Variants in DHX32 observed in about 807,000 individuals in gnomAD.
DHX32 encodes the protein DEAH-box helicase 32 (putative).
In DHX32, 51 loss-of-function variants were observed where a neutral mutation model predicts 70.0. The ratio of observed to expected loss-of-function variants is 0.73; its 90% confidence interval spans 0.58 to 0.92. The LOEUF is 0.92. DHX32 is among the 40% of genes least tolerant of loss of function. The pLI, the probability that DHX32 is intolerant of heterozygous loss-of-function variation, is 0.00. For synonymous variants in DHX32, 310 were observed against 315.3 expected, an observed-to-expected ratio of 0.98 and a Z score of 0.18; for missense variants, 762 against 891.8, an observed-to-expected ratio of 0.85 and a Z score of 1.85.
intron 6 of DHX32, 38 bp downstream of exon 6, chr10:125,852,255 C>G (rs1407779471): frequency 6.2e-7 from 1 of 1,605,118 alleles, no homozygotes; most frequent in Admixed American, 1.7e-5. Context: ...AGGTGAATCT[C>G]AGCCTAATGC....
intron 6 of DHX32, chr10:125,842,264 C>T (rs1030876168): frequency 7.2e-6 from 2 of 276,826 alleles, no homozygotes; most frequent in Non-Finnish European, 1.4e-5. Flanking sequence ...GGCCGGAACT[C>T]GCGGTCACAG....
chr10:125,854,396 T>A (rs1021245235), intron 3 of DHX32, 193 bp from the exon 4 acceptor site: 7 of 431,986 alleles, frequency 1.6e-5, no homozygotes, highest in Non-Finnish European at 2.4e-5. Context: ...TTGGGGAAGT[T>A]AAATATAATT....
At chr10:125,842,038 A>G (rs964895061) in intron 6 of DHX32, 104 bp from the exon 7 acceptor site, 2 of 1,351,132 alleles carry the variant, frequency 1.5e-6, no homozygotes, top group Admixed American at 6.6e-5. Flanking sequence ...ACAATGGACA[A>G]AATATGTGAA....
chr10:125,887,371 T>C (rs1156958928), intron 1 of DHX32, among the ~76,000 whole-genome samples: 1 of 152,110 alleles, frequency 6.6e-6, no homozygotes, highest in Admixed American at 6.5e-5. Context: ...TTACAGACAA[T>C]TACTTAAAAG....
upstream of DHX32, among the ~76,000 whole-genome samples, chr10:125,883,357 T>C (rs1021677925): frequency 2.0e-5 from 3 of 152,212 alleles, no homozygotes; most frequent in Non-Finnish European, 2.9e-5. Flanking sequence ...CTGTGACCAG[T>C]GTCACTATGA....
At chr10:125,842,849 G>A (rs556886028) in intron 6 of DHX32, 107 of 864,100 alleles carry the variant, frequency 1.2e-4, no homozygotes, top group Non-Finnish European at 1.4e-4. Flanking sequence ...ATGTAACATC[G>A]ATAATGATGT....
chr10:125,891,879 A>G (rs543571771), intron 1 of DHX32, among the ~76,000 whole-genome samples: 1 of 152,236 alleles, frequency 6.6e-6, no homozygotes, highest in Admixed American at 6.5e-5. Flanking sequence ...AAATGTGCAT[A>G]CTTCAGGGCT....
chr10:125,841,015 C>A lies in DHX32; in HGVS notation c.1544-19G>T. On this transcript the variant is annotated intron_variant, in intron 7 of 10. Coordinates refer to ENST00000284690, the MANE Select transcript of DHX32 (RefSeq NM_018180.3). ...TTTGGAGCTTCAAAATGAAAAAGGT[C>A]ACATGGTTAGCAATAATGAAGACAT... 6.3e-7 allele frequency: 1 copy of A among 1,588,850 alleles called. No individual in the cohort carries two copies. The highest frequency in any genetic ancestry group is 1.1e-5 in the South Asian group (1 of 89,072).
At chr10:125,850,922 G>C (rs1024502055) in intron 6 of DHX32, among the ~76,000 whole-genome samples, 2 of 152,168 alleles carry the variant, frequency 1.3e-5, no homozygotes, top group African/African-American at 2.4e-5. Flanking sequence ...GCAGTCTCAG[G>C]CCATCTGTTT....
At chr10:125,877,884 T>C (rs1944293433) in intron 1 of DHX32, among the ~76,000 whole-genome samples, 1 of 152,210 alleles carries the variant, frequency 6.6e-6, no homozygotes, top group South Asian at 2.1e-4. Flanking sequence ...TCTAATTCTA[T>C]TCTATTAGAG....
chr10:125,840,256 G>A (rs1367097501), intron 8 of DHX32, among the ~76,000 whole-genome samples: 1 of 152,214 alleles, frequency 6.6e-6, no homozygotes, highest in Non-Finnish European at 1.5e-5. Flanking sequence ...TCCTGTGACA[G>A]GTAAGCTACC....
At chr10:125,893,873 C>T (rs1204255681) in intron 1 of DHX32, among the ~76,000 whole-genome samples, 1 of 152,242 alleles carries the variant, frequency 6.6e-6, no homozygotes, top group African/African-American at 2.4e-5. Flanking sequence ...CATTTTTTAT[C>T]AACCTATTTG....
At chr10:125,883,131 A>G (rs552102236), upstream of DHX32, among the ~76,000 whole-genome samples, 1 of 152,342 alleles carries the variant, frequency 6.6e-6, no homozygotes, top group African/African-American at 2.4e-5. Flanking sequence ...GACCACTTTG[A>G]ACCCTGAGGA....
intron 4 of DHX32, chr10:125,853,395 A>T: frequency 2.3e-6 from 1 of 437,924 alleles, no homozygotes. Context: ...AGAGTTTGAG[A>T]TACCTTGTTT....
rs895650719 is a variant in DHX32 at position 125,867,580 on chromosome 10, C to T, written c.283-397G>A. Among the ~76,000 whole-genome samples the T allele has an allele frequency of 5.9e-5, 9 of 151,950 alleles. No homozygotes were observed. In the East Asian group the frequency reaches 1.7e-3, roughly 29 times the overall value. ...TGAAACCCCGTCTCTACTTAAAATA[C>T]AAAAAATTAGCTAGGCGTGGTGGCG... On this transcript the variant is annotated intron_variant, in intron 1 of 10. Coordinates refer to ENST00000284690, the MANE Select transcript of DHX32 (RefSeq NM_018180.3).
chr10:125,863,407 A>G (rs1345169708), intron 2 of DHX32, among the ~76,000 whole-genome samples: 27 of 152,166 alleles, frequency 1.8e-4, no homozygotes. Context: ...AATGAAAAAG[A>G]CAGTATCAAA....
intron 6 of DHX32, among the ~76,000 whole-genome samples, chr10:125,846,489 T>G (rs1461513669): frequency 1.3e-5 from 2 of 152,238 alleles, no homozygotes; most frequent in Non-Finnish European, 2.9e-5. Flanking sequence ...CAGTCTGTTT[T>G]GAGTATCTTG....
At chr10:125,852,238 C>T in intron 6 of DHX32, 55 bp downstream of exon 6, 13 of 1,591,186 alleles carry the variant, frequency 8.2e-6, no homozygotes, top group Non-Finnish European at 1.1e-5. Context: ...AGAGAATGGG[C>T]AGGAGAAGGT....
intron 1 of DHX32, among the ~76,000 whole-genome samples, chr10:125,867,599 G>A (rs995154048): frequency 4.6e-5 from 7 of 152,076 alleles, no homozygotes; most frequent in African/African-American, 1.4e-4. Context: ...AGCTAGGCGT[G>A]GTGGCGGGCG....
Sources: gnomAD v4.1 joint callset for allele counts (sites outside exome capture counted in the v4.1 genomes callset) on GRCh38, gnomAD v4.1.1 for gene constraint, MANE v1.5 for transcripts, NCBI Gene and HGNC (gene_info 2026-07-23, HGNC 2026-07-21) for gene names.